CSMD1: variants seen among roughly 807,000 people sequenced by gnomAD.
The protein encoded by CSMD1 is CUB and Sushi multiple domains 1, also known as CUB and sushi domain-containing protein 1.
Under a neutral mutation model 417.5 loss-of-function variants are expected in CSMD1, and 213 were observed. The observed-to-expected ratio is 0.51, with a 90% CI of 0.46 to 0.57. The LOEUF is 0.57. Ranked by LOEUF, CSMD1 falls within the 20% of genes least tolerant of loss-of-function variation. The probability of loss-of-function intolerance (pLI) is 0.00; values close to 1 mark genes in which losing one functional copy is unlikely to be tolerated. For missense variants in CSMD1, 6,923 were observed against 4,529.7 expected (o/e 1.53, Z -15.17); for synonymous variants, 2,862 against 1,736.8 (o/e 1.65, Z -16.11).
intron 62 of CSMD1, among the ~76,000 whole-genome samples, chr8:2,959,179 C>T (rs1803259766): frequency 1.3e-5 from 2 of 152,228 alleles, no homozygotes; most frequent in South Asian, 4.1e-4. Context: ...AATCATAGCT[C>T]ATTGCATCCT....
chr8:3,377,419 C>T (rs939444444), intron 18 of CSMD1, among the ~76,000 whole-genome samples: 3 of 152,194 alleles, frequency 2.0e-5, no homozygotes, highest in East Asian at 3.9e-4. Flanking sequence ...CTCAAATTTA[C>T]ATACATTTAT....
In CSMD1 at chr8:3,387,598, G is replaced by A. The variant is rs1186111848; in HGVS notation, c.2678C>T (p.Ser893Phe). Residue 893 changes from serine (S) to phenylalanine (F), a missense_variant, in exon 18 of 70, where the codon TCC becomes TTC. By Grantham distance (155) the Ser-to-Phe change is radical. Coordinates refer to ENST00000635120, the MANE Select transcript of CSMD1 (RefSeq NM_033225.6). ...HRHGGDFGIR[S>F]TVTFSCDPGY... ...CGGGTCACAGCTGAAAGTCACTGTGGACCTGATGCCAAAGTCTCCACCGTG... is the reference window on the plus strand; with the variant it reads ...CGGGTCACAGCTGAAAGTCACTGTGAACCTGATGCCAAAGTCTCCACCGTG... The A allele has an allele frequency of 3.1e-6, 5 of 1,601,308 alleles. No individual in the cohort carries two copies. The South Asian group carries it at 5.6e-5, about 18-fold the overall frequency.
intron 3 of CSMD1, among the ~76,000 whole-genome samples, chr8:4,361,559 G>C (rs1488482792): frequency 2.6e-5 from 4 of 152,188 alleles, no homozygotes; most frequent in Non-Finnish European, 2.9e-5. Context: ...AAAAGTCGTA[G>C]AGTTCAAGTT....
intron 1 of CSMD1, among the ~76,000 whole-genome samples, chr8:4,897,681 CT>C (rs200568017): frequency 1.3e-5 from 2 of 152,072 alleles, no homozygotes; most frequent in Non-Finnish European, 2.9e-5. Context: ...GCCAGCACAA[CT>C]TTTTTTTACA....
intron 1 of CSMD1, among the ~76,000 whole-genome samples, chr8:4,808,479 C>G (rs548774693): frequency 1.3e-5 from 2 of 152,268 alleles, no homozygotes; most frequent in East Asian, 3.9e-4. Context: ...TCTGTACTCT[C>G]AAATAATAAT....
At chr8:4,494,943 T>C (rs919432756) in intron 2 of CSMD1, among the ~76,000 whole-genome samples, 5 of 151,220 alleles carry the variant, frequency 3.3e-5, no homozygotes, top group African/African-American at 9.7e-5. Context: ...ATATACATAA[T>C]TAAAAGGCAG....
intron 6 of CSMD1, among the ~76,000 whole-genome samples, chr8:3,712,262 C>A (rs1187632880): frequency 6.6e-6 from 1 of 152,068 alleles, no homozygotes; most frequent in Non-Finnish European, 1.5e-5. Context: ...GGACACTTCT[C>A]CCCACACGTT....
intron 26 of CSMD1, among the ~76,000 whole-genome samples, chr8:3,254,314 C>T (rs1349097657): frequency 6.6e-6 from 1 of 152,058 alleles, no homozygotes. Context: ...AACATTTTTT[C>T]CTTCATTTTA....
rs761063399 is a variant in CSMD1, at chr8:3,214,640, C to G, written c.4724G>C (p.Arg1575Thr). The change falls in exon 30 of 70, where the codon AGA becomes ACA. Residue 1575 changes from arginine to threonine, a missense_variant. Transcript: ENST00000635120. ...GCCAAGCTTGAAGTCTGTTCCAACT[C>G]TTGTCCCATTCATTATATTTCCTGG... ...FDPGNIMNGT[R>T]VGTDFKLGST... 6.4e-7 allele frequency: 1 copy of G among 1,553,262 alleles called. No individual in the cohort carries two copies. Among genetic ancestry groups the G allele is most frequent in the East Asian group, 2.4e-5 (1 of 40,998 alleles).
At position 3,643,571 on chromosome 8, in the gene CSMD1, G is replaced by T. The variant is rs528295796; in HGVS notation, c.1010-26774C>A. Among the ~76,000 whole-genome samples, 3 of 151,872 alleles carry T rather than the reference G, an allele frequency of 2.0e-5. No individual in the cohort carries two copies. The East Asian group carries it at 5.8e-4, about 29-fold the overall frequency. ...CAAAAATTGGCCGGGCGTGGTGGCG[G>T]GCGCCTGTAGTCCCAACTACCCGGG... On this transcript the variant is annotated intron_variant, in intron 7 of 69. Coordinates refer to ENST00000635120, the MANE Select transcript of CSMD1 (RefSeq NM_033225.6).
chr8:4,662,961 T>A (rs1294607212), intron 1 of CSMD1, among the ~76,000 whole-genome samples: 2 of 152,350 alleles, frequency 1.3e-5, no homozygotes, highest in South Asian at 4.1e-4. Context: ...TTAAGGAATG[T>A]TCTTCAACAT....
At position 4,464,812 on chromosome 8, in the gene CSMD1, T is replaced by C. The variant is rs146927153; in HGVS notation, c.303-44747A>G. Among the ~76,000 whole-genome samples, 1,133 of 152,202 alleles carry C rather than the reference T, an allele frequency of 7.4e-3. 11 individuals carry two copies. The highest frequency in any genetic ancestry group is 0.026 in the African/African-American group (1,072 of 41,540). On this transcript the variant is annotated intron_variant, in intron 2 of 69. Transcript: ENST00000635120. ...GAGAGATCAAGAAAACTGATTCTCT[T>C]TGAAGTTTTGGGAGGAAAGTATCTA...
intron 3 of CSMD1, among the ~76,000 whole-genome samples, chr8:4,044,431 C>CT (rs1798044073): frequency 6.6e-6 from 1 of 152,090 alleles, no homozygotes; most frequent in Non-Finnish European, 1.5e-5. Flanking sequence ...CTCTAAAATT[C>CT]TTTACCATAA....
At chr8:3,613,297 T>C (rs374672884) in intron 8 of CSMD1, 2 of 421,938 alleles carry the variant, frequency 4.7e-6, no homozygotes, top group Admixed American at 2.7e-5. Flanking sequence ...AAAATTCCAA[T>C]TCCAGGTAGC....
intron 1 of CSMD1, among the ~76,000 whole-genome samples, chr8:4,737,484 A>G (rs1313497383): frequency 6.6e-6 from 1 of 152,176 alleles, no homozygotes; most frequent in Admixed American, 6.5e-5. Flanking sequence ...GTACCCCTGA[A>G]GTTAAAATAA....
chr8:4,707,260 G>A (rs915916463), intron 1 of CSMD1, among the ~76,000 whole-genome samples: 3 of 152,138 alleles, frequency 2.0e-5, no homozygotes, highest in Admixed American at 2.0e-4. Flanking sequence ...GGTCCTAGGA[G>A]GTAAGGAATA....
chr8:4,953,631 G>T (rs949343681), intron 1 of CSMD1, among the ~76,000 whole-genome samples: 1 of 152,098 alleles, frequency 6.6e-6, no homozygotes, highest in Non-Finnish European at 1.5e-5. Flanking sequence ...AATACTCATA[G>T]AAATACACAG....
chr8:4,853,484 A>G (rs543022272), intron 1 of CSMD1, among the ~76,000 whole-genome samples: 1 of 152,328 alleles, frequency 6.6e-6, no homozygotes, highest in South Asian at 2.1e-4. Flanking sequence ...ACAGAATGCA[A>G]GAATAAAGGA....
At chr8:3,667,875 G>A (rs1364080235) in intron 7 of CSMD1, among the ~76,000 whole-genome samples, 1 of 152,142 alleles carries the variant, frequency 6.6e-6, no homozygotes, top group Non-Finnish European at 1.5e-5. Flanking sequence ...GCAGTGAGTA[G>A]AAGCAGCCAA....
Sources: gnomAD v4.1 joint callset for allele counts (sites outside exome capture counted in the v4.1 genomes callset) on GRCh38, gnomAD v4.1.1 for gene constraint, MANE v1.5 for transcripts, NCBI Gene and HGNC (gene_info 2026-07-23, HGNC 2026-07-21) for gene names.